Variants in TMEM71 observed in about 807,000 individuals in gnomAD.
TMEM71 encodes the protein transmembrane protein 71.
TMEM71 carries 44 observed loss-of-function variants against 38.0 expected under a neutral mutation model. That is an observed-to-expected ratio of 1.16 (90% CI 0.91 to 1.49). The LOEUF (loss-of-function observed/expected upper bound fraction) is 1.49, where lower values mean the gene tolerates loss of function less well. TMEM71 is among the 40% of genes most tolerant of loss of function. The pLI, the probability that TMEM71 is intolerant of heterozygous loss-of-function variation, is 0.00. For missense variants in TMEM71, 367 were observed against 348.6 expected, an observed-to-expected ratio of 1.05 and a Z score of -0.42; for synonymous variants, 133 against 122.5, an observed-to-expected ratio of 1.09 and a Z score of -0.56.
At chr8:132,729,786 G>A (rs754458961) in intron 5 of TMEM71, among the ~76,000 whole-genome samples, 2 of 152,052 alleles carry the variant, frequency 1.3e-5, no homozygotes, top group Admixed American at 6.6e-5. Context: ...AATTAAAACC[G>A]AGTTTCTGTA....
At chr8:132,724,664 C>T (rs75750509) in intron 6 of TMEM71, among the ~76,000 whole-genome samples, 3 of 152,080 alleles carry the variant, frequency 2.0e-5, no homozygotes, top group Non-Finnish European at 2.9e-5. Flanking sequence ...CCTGAGGTGA[C>T]GTACAGCCTC....
At chr8:132,712,158 C>T (rs184722658) in intron 9 of TMEM71, among the ~76,000 whole-genome samples, 1 of 151,974 alleles carries the variant, frequency 6.6e-6, no homozygotes, top group Non-Finnish European at 1.5e-5. Context: ...GTCAATAGTC[C>T]TTGTTTTCAC....
chr8:132,713,971 A>G, intron 9 of TMEM71, 24 bp downstream of exon 9: 3 of 1,611,102 alleles, frequency 1.9e-6, no homozygotes, highest in Non-Finnish European at 2.5e-6. Context: ...TCCAGACAAT[A>G]ATGATGACAC....
At chr8:132,731,674 G>T (rs1827463103) in intron 5 of TMEM71, among the ~76,000 whole-genome samples, 1 of 152,288 alleles carries the variant, frequency 6.6e-6, no homozygotes, top group South Asian at 2.1e-4. Flanking sequence ...ACCTGGTGGG[G>T]AATAGCCACA....
At chr8:132,761,743 T>G (rs923804554), upstream of TMEM71, among the ~76,000 whole-genome samples, 1 of 152,236 alleles carries the variant, frequency 6.6e-6, no homozygotes, top group Admixed American at 6.5e-5. Context: ...ACTACCATGA[T>G]GAGGCTTCCA....
intron 7 of TMEM71, among the ~76,000 whole-genome samples, chr8:132,721,191 G>A (rs894548975): frequency 6.6e-6 from 1 of 152,130 alleles, no homozygotes; most frequent in Non-Finnish European, 1.5e-5. Flanking sequence ...GACAGGAGTG[G>A]GCCTAGCACC....
At chr8:132,746,884 G>C in intron 5 of TMEM71, 58 bp downstream of exon 5, 1 of 1,442,486 alleles carries the variant, frequency 6.9e-7, no homozygotes, top group Admixed American at 2.4e-5. Context: ...GGACCACAGG[G>C]TTACCACTGC....
At chr8:132,743,980 T>C (rs1563752776) in intron 5 of TMEM71, among the ~76,000 whole-genome samples, 1 of 152,190 alleles carries the variant, frequency 6.6e-6, no homozygotes, top group Non-Finnish European at 1.5e-5. Flanking sequence ...TGGAAGCTTT[T>C]CTTAAGTTTC....
upstream of TMEM71, among the ~76,000 whole-genome samples, chr8:132,765,533 G>A (rs1829353491): frequency 6.6e-6 from 1 of 152,120 alleles, no homozygotes; most frequent in South Asian, 2.1e-4. Flanking sequence ...GTTCCAGATG[G>A]TTCTTTGTGG....
chr8:132,747,214 C>A (rs1017411696), intron 4 of TMEM71, 100 bp from the exon 5 acceptor site: 1 of 1,020,950 alleles, frequency 9.8e-7, no homozygotes, highest in African/African-American at 1.6e-5. Flanking sequence ...CCCAAGTCTG[C>A]TCACTGCATT....
chr8:132,747,802 G>T (rs1398935798), intron 4 of TMEM71, among the ~76,000 whole-genome samples: 4 of 152,198 alleles, frequency 2.6e-5, no homozygotes, highest in Non-Finnish European at 4.4e-5. Flanking sequence ...AATGAAGCTG[G>T]ACAGGTAAAA....
the TMEM71 span, among the ~76,000 whole-genome samples, chr8:132,769,341 G>T: frequency 6.6e-6 from 1 of 152,136 alleles, no homozygotes; most frequent in African/African-American, 2.4e-5. Context: ...TTCATATTGT[G>T]TTTAGTTGTT....
At chr8:132,716,261 G>A (rs1477425988) in intron 7 of TMEM71, among the ~76,000 whole-genome samples, 1 of 152,184 alleles carries the variant, frequency 6.6e-6, no homozygotes, top group Non-Finnish European at 1.5e-5. Context: ...GGCTAGGCCC[G>A]GGTGCTATCG....
chr8:132,757,877 A>G (rs1829119424), intron 2 of TMEM71: 1 of 152,076 alleles, frequency 6.6e-6, no homozygotes, highest in African/African-American at 2.4e-5. Context: ...GCAATAATAA[A>G]TCATTAGCAT....
At chr8:132,725,696 T>C (rs1219773292) in intron 6 of TMEM71, among the ~76,000 whole-genome samples, 2 of 152,000 alleles carry the variant, frequency 1.3e-5, no homozygotes, top group African/African-American at 4.8e-5. Context: ...AAGAGGAAAA[T>C]AAACAGTTTC....
At chr8:132,717,906 T>C (rs1826620981) in intron 7 of TMEM71, among the ~76,000 whole-genome samples, 2 of 152,332 alleles carry the variant, frequency 1.3e-5, no homozygotes, top group South Asian at 4.1e-4. Context: ...AATATTATTC[T>C]TCCATAGAAA....
At chr8:132,742,927 G>T (rs935739676) in intron 5 of TMEM71, among the ~76,000 whole-genome samples, 1 of 152,204 alleles carries the variant, frequency 6.6e-6, no homozygotes, top group Non-Finnish European at 1.5e-5. Context: ...ATCAAATCAC[G>T]TCTTACATGG....
intron 7 of TMEM71, among the ~76,000 whole-genome samples, chr8:132,714,911 C>T (rs1185172516): frequency 6.6e-6 from 1 of 151,970 alleles, no homozygotes; most frequent in Non-Finnish European, 1.5e-5. Context: ...AAGATCTGAA[C>T]AGACACTTCA....
chr8:132,766,813 C>A, the TMEM71 span, among the ~76,000 whole-genome samples: 1 of 146,628 alleles, frequency 6.8e-6, no homozygotes, highest in South Asian at 2.2e-4. Context: ...AAAAAAGATG[C>A]TGTTTTCACT....
Sources: gnomAD v4.1 joint callset for allele counts (sites outside exome capture counted in the v4.1 genomes callset) on GRCh38, gnomAD v4.1.1 for gene constraint, MANE v1.5 for transcripts, NCBI Gene and HGNC (gene_info 2026-07-23, HGNC 2026-07-21) for gene names.